DNAJC11: variants seen among roughly 807,000 people sequenced by gnomAD.
The protein encoded by DNAJC11 is dnaJ homolog subfamily C member 11.
A neutral mutation model predicts 78.6 loss-of-function variants in DNAJC11; 15 were observed. The ratio of observed to expected loss-of-function variants is 0.19; its 90% CI spans 0.13 to 0.29. DNAJC11 has a LOEUF of 0.29. Among genes scored for constraint, DNAJC11 ranks in the 10% least tolerant of loss-of-function variants. The pLI, the probability that DNAJC11 is intolerant of heterozygous loss-of-function variation, is 1.00. For synonymous variants in DNAJC11, 292 were observed against 272.1 expected, an observed-to-expected ratio of 1.07 and a Z score of -0.72; for missense variants, 547 against 709.6, an observed-to-expected ratio of 0.77 and a Z score of 2.60.
chr1:6,688,375 C>T (rs1230971915), intron 1 of DNAJC11, among the ~76,000 whole-genome samples: 1 of 152,182 alleles, frequency 6.6e-6, no homozygotes, highest in Non-Finnish European at 1.5e-5. Context: ...ATGTATTCCT[C>T]AAGAATACCA....
At chr1:6,683,436 G>A (rs1385831860) in intron 1 of DNAJC11, among the ~76,000 whole-genome samples, 3 of 152,184 alleles carry the variant, frequency 2.0e-5, no homozygotes, top group African/African-American at 7.2e-5. Context: ...AGACTATGAA[G>A]TGCTTCACAC....
chr1:6,675,463 T>C (rs1468993262), intron 3 of DNAJC11, among the ~76,000 whole-genome samples: 1 of 152,212 alleles, frequency 6.6e-6, no homozygotes, highest in Non-Finnish European at 1.5e-5. Flanking sequence ...TCACTCAGGC[T>C]GGAGTGCAGT....
Position 6,645,143 on chromosome 1 carries a change from T to C in DNAJC11, c.895-17A>G. On this transcript the variant is annotated splice_polypyrimidine_tract_variant and intron_variant, in intron 8 of 15. Coordinates refer to ENST00000377577, the MANE Select transcript of DNAJC11 (RefSeq NM_018198.4). This position sits in a 1 kb window ranked among gnomAD's most constrained non-coding sequence, Gnocchi z 4.1. ...GATTCCCAGCTGGGGAGACAGAGGGTGCAAGGATGCGTGGCTAGGGCGTGT... is the reference window on the plus strand; with the variant it reads ...GATTCCCAGCTGGGGAGACAGAGGGCGCAAGGATGCGTGGCTAGGGCGTGT... 1 of 1,600,558 alleles carries C rather than the reference T, an allele frequency of 6.2e-7. No homozygotes were observed. Among genetic ancestry groups the C allele is most frequent in the Non-Finnish European group, 8.6e-7 (1 of 1,168,466 alleles).
At position 6,652,732 on chromosome 1, in the gene DNAJC11, G is replaced by GC. The variant is rs570800270; in HGVS notation, c.630+96dup. ...GGTACCGTTCTTACACAACAACGGG[G>GC]CCCCCAGGGTGAGTTTGAGGGTGAG... On this transcript the variant is annotated intron_variant, in intron 6 of 15. Transcript: ENST00000377577. 7.7e-4 allele frequency: 1,179 copies of GC among 1,536,374 alleles called. 7 individuals are homozygous for GC. The African/African-American group carries it at 0.015, about 19-fold the overall frequency.
intron 4 of DNAJC11, among the ~76,000 whole-genome samples, chr1:6,654,710 C>A (rs922401757): frequency 1.4e-4 from 22 of 152,022 alleles, no homozygotes; most frequent in African/African-American, 5.1e-4. Flanking sequence ...GTATATAAAA[C>A]CATGGCCACA....
intron 7 of DNAJC11, 84 bp from the exon 8 acceptor site, chr1:6,646,062 C>T (rs1641960465): frequency 9.8e-6 from 14 of 1,425,922 alleles, no homozygotes; most frequent in Non-Finnish European, 1.4e-5. Flanking sequence ...TGGCTAAGAC[C>T]TCACTTACTG....
chr1:6,637,406 C>T, intron 13 of DNAJC11, 41 bp downstream of exon 13: 1 of 1,614,154 alleles, frequency 6.2e-7, no homozygotes, highest in Non-Finnish European at 8.5e-7. Flanking sequence ...TTAGAGACCC[C>T]CAGCGCCCAC....
Position 6,653,724 on chromosome 1 carries a change from C to T in DNAJC11, c.507+187G>A. Reference sequence around the variant, plus strand: ...GCCCCAGCCCACACTCCTGCTGGCTCACATGCCAGCACAGCGGTAACACAC... The same window carrying T: ...GCCCCAGCCCACACTCCTGCTGGCTTACATGCCAGCACAGCGGTAACACAC... On this transcript the variant is annotated intron_variant, in intron 5 of 15. Coordinates refer to ENST00000377577, the MANE Select transcript of DNAJC11 (RefSeq NM_018198.4). The surrounding 1 kb of genome is among the most constrained non-coding windows in gnomAD (Gnocchi z 4.5). 2 of 700,024 alleles carry T rather than the reference C, an allele frequency of 2.9e-6. No homozygotes were observed. The highest frequency in any genetic ancestry group is 3.2e-5 in the Admixed American group (1 of 30,976). 43.4% of individuals were successfully genotyped at this position (700,024 alleles called of 1,614,324 possible). A position where few individuals can be genotyped will look rare whatever the true frequency, so the allele number is the denominator to read the frequency against.
intron 1 of DNAJC11, among the ~76,000 whole-genome samples, chr1:6,697,239 C>A (rs1642851631): frequency 6.6e-6 from 1 of 152,198 alleles, no homozygotes; most frequent in African/African-American, 2.4e-5. Flanking sequence ...GAAGGAGAAT[C>A]ATTAAAGATC....
chr1:6,642,992 G>A (rs1028017669), intron 10 of DNAJC11, among the ~76,000 whole-genome samples: 1 of 152,156 alleles, frequency 6.6e-6, no homozygotes, highest in Non-Finnish European at 1.5e-5. Flanking sequence ...CTCCATTTAG[G>A]GGTTTGGGAG....
chr1:6,648,298 G>C lies in DNAJC11; in HGVS notation c.705-2320C>G, dbSNP rs56383091. ...AGCCTCCCAAGTAGCTGGAATTACAGGTGCCCACCACCACGCCTGGCTAAT... is the reference window on the plus strand; with the variant it reads ...AGCCTCCCAAGTAGCTGGAATTACACGTGCCCACCACCACGCCTGGCTAAT... On this transcript the variant is annotated intron_variant, in intron 7 of 15. Coordinates refer to ENST00000377577, the MANE Select transcript of DNAJC11 (RefSeq NM_018198.4). Among the ~76,000 whole-genome samples, 475 of 152,262 alleles carry C rather than the reference G, an allele frequency of 3.1e-3. 2 individuals are homozygous for C. Among genetic ancestry groups the C allele is most frequent in the African/African-American group, 0.011 (458 of 41,548 alleles).
chr1:6,646,018 C>G (rs762541631), intron 7 of DNAJC11, 40 bp from the exon 8 acceptor site: 5 of 1,593,774 alleles, frequency 3.1e-6, no homozygotes, highest in Non-Finnish European at 4.3e-6. Flanking sequence ...TGGATAGCAC[C>G]TGCTCTCAGC....
chr1:6,638,936 G>A (rs993507414), intron 11 of DNAJC11, among the ~76,000 whole-genome samples: 3 of 152,172 alleles, frequency 2.0e-5, no homozygotes, highest in Non-Finnish European at 2.9e-5. Flanking sequence ...GAGAAGGCTG[G>A]GCCAGCACAT....
At chr1:6,677,913 C>A (rs953422580) in intron 3 of DNAJC11, among the ~76,000 whole-genome samples, 3 of 152,188 alleles carry the variant, frequency 2.0e-5, no homozygotes, top group Non-Finnish European at 4.4e-5. Context: ...GCAACCCCAG[C>A]AACTCTGCTT....
intron 10 of DNAJC11, among the ~76,000 whole-genome samples, chr1:6,642,601 A>G (rs1641894497): frequency 6.6e-6 from 1 of 152,150 alleles, no homozygotes; most frequent in Non-Finnish European, 1.5e-5. Context: ...ACACTTTAGG[A>G]GGCCGAAGCG....
At chr1:6,679,390 C>T (rs987645699) in intron 2 of DNAJC11, among the ~76,000 whole-genome samples, 2 of 152,312 alleles carry the variant, frequency 1.3e-5, no homozygotes, top group Admixed American at 6.5e-5. Context: ...AAGGATTTCT[C>T]AGCTAACGGT....
intron 1 of DNAJC11, among the ~76,000 whole-genome samples, chr1:6,690,663 G>A (rs569013268): frequency 1.3e-5 from 2 of 152,190 alleles, no homozygotes; most frequent in African/African-American, 2.4e-5. Flanking sequence ...GGTGGCTCAC[G>A]CCTGTAATCC....
rs781249881 is a variant in DNAJC11, at chr1:6,678,457, G to C, written c.213C>G (p.Asp71Glu). Residue 71 changes from aspartate to glutamate, a missense_variant, in exon 3 of 16, where the codon GAC (aspartate) becomes GAG (glutamate). Transcript: ENST00000377577. ...LVHQAYEVLS[D>E]PQTRAIYDIY... The stretch of plus-strand genomic sequence containing the variant: ...TATCATAGATGGCCCTGGTTTGGGG[G>C]TCACTAAGCACTGCAAATTAAAAAT... 7.4e-6 allele frequency: 12 copies of C among 1,612,668 alleles called. No homozygotes were observed. Among genetic ancestry groups the C allele is most frequent in the Non-Finnish European group, 1.0e-5 (12 of 1,179,568 alleles).
At position 6,637,186 on chromosome 1, in the gene DNAJC11, G is replaced by C. The variant is rs753184080; in HGVS notation, c.1524+12C>G. ...GTGAGCACATAGCATGTGGTGGCTG[G>C]TGCTGCTGTACCTTGGAGGCCTCCG... On this transcript the variant is annotated intron_variant, in intron 14 of 15. Transcript: ENST00000377577. 2 of 1,613,964 alleles carry C rather than the reference G, an allele frequency of 1.2e-6. No homozygotes were observed. The highest frequency in any genetic ancestry group is 2.2e-5 in the East Asian group (1 of 44,882).
Sources: allele counts gnomAD v4.1 joint callset (sites outside exome capture counted in the v4.1 genomes callset), GRCh38; gene constraint gnomAD v4.1.1; non-coding constraint Gnocchi (gnomAD v3.1); transcripts MANE v1.5; gene names NCBI Gene and HGNC (gene_info 2026-07-23, HGNC 2026-07-21).